GUSB: variants seen among roughly 807,000 people sequenced by gnomAD.
The protein encoded by GUSB is glucuronidase beta.
A neutral mutation model predicts 74.6 loss-of-function variants in GUSB; 51 were observed. The observed-to-expected ratio is 0.68, with a 90% CI of 0.55 to 0.86. The LOEUF (loss-of-function observed/expected upper bound fraction) is 0.86, where lower values mean the gene tolerates loss of function less well. Among genes scored for constraint, GUSB ranks in the 40% least tolerant of loss-of-function variants. The pLI is 0.00. For synonymous variants in GUSB, 360 were observed against 348.3 expected, an observed-to-expected ratio of 1.03 and a Z score of -0.37; for missense variants, 736 against 853.7, an observed-to-expected ratio of 0.86 and a Z score of 1.72.
intron 5 of GUSB, 30 bp downstream of exon 5, chr7:65,975,985 T>G: frequency 6.3e-7 from 1 of 1,596,744 alleles, no homozygotes; most frequent in Non-Finnish European, 8.6e-7. Context: ...GCAAAAGACC[T>G]CCCTTAGGCA....
chr7:65,979,242 C>T (rs925691010), intron 4 of GUSB, 157 bp downstream of exon 4: 1 of 825,968 alleles, frequency 1.2e-6, no homozygotes, highest in East Asian at 2.5e-5. Flanking sequence ...GAGCCCGTAT[C>T]CGCTCACACA....
At chr7:65,970,610 G>A (rs578116313) in intron 8 of GUSB, among the ~76,000 whole-genome samples, 28 of 152,072 alleles carry the variant, frequency 1.8e-4, no homozygotes, top group Non-Finnish European at 2.9e-4. Context: ...ACAAAAATTA[G>A]CGGCCAGGCG....
chr7:65,974,149 T>C (rs950428901), intron 8 of GUSB, 146 bp downstream of exon 8: 8 of 735,638 alleles, frequency 1.1e-5, no homozygotes, highest in African/African-American at 7.1e-5. Context: ...TGGGTAGATA[T>C]TTGGTCCCCT....
intron 11 of GUSB, among the ~76,000 whole-genome samples, chr7:65,962,870 CA>C (rs143099285): frequency 2.7e-4 from 38 of 143,326 alleles, no homozygotes; most frequent in Non-Finnish European, 2.3e-4. Flanking sequence ...AACTCCGTCT[CA>C]AAAAAAAAAA....
In GUSB at chr7:65,981,205, CT is replaced by C. The variant is rs374713676; in HGVS notation, c.210+768del. On this transcript the variant is annotated intron_variant, in intron 1 of 11. Transcript: ENST00000304895. Reference sequence around the variant, plus strand: ...CTGGGTAAATAGTGACACCCTGTATCTTTTTTTTTTTTTTAAGTTTTTTTGC... The same window carrying C: ...CTGGGTAAATAGTGACACCCTGTATCTTTTTTTTTTTTTAAGTTTTTTTGC... 3.3e-3 allele frequency among the ~76,000 whole-genome samples: 437 copies of C among 131,878 alleles called. 1 individual carries two copies. Among genetic ancestry groups the C allele is most frequent in the African/African-American group, 3.6e-3 (130 of 35,922 alleles). The allele number at this position is 131,878 out of a possible 152,430, so 86.5% of individuals were successfully genotyped here. A position where few individuals can be genotyped will look rare whatever the true frequency, so the allele number is the denominator to read the frequency against.
At chr7:65,979,260 T>A in intron 4 of GUSB, 139 bp downstream of exon 4, 1 of 939,510 alleles carries the variant, frequency 1.1e-6, no homozygotes, top group Non-Finnish European at 1.7e-6. Context: ...ACAGGCTGAA[T>A]TTTAGCTTCA....
chr7:65,969,923 T>C (rs1791083136), intron 9 of GUSB, among the ~76,000 whole-genome samples: 1 of 152,196 alleles, frequency 6.6e-6, no homozygotes, highest in Non-Finnish European at 1.5e-5. Context: ...CCCATCTCCC[T>C]ATGCCCAGCC....
rs373155959 is a variant in GUSB, at chr7:65,981,931, G to T, written c.210+43C>A. 101 of 1,542,140 alleles carry T rather than the reference G, an allele frequency of 6.5e-5. No homozygotes were observed. The East Asian group carries it at 1.7e-3, about 25-fold the overall frequency. ...GGGCCCGGGCTCCCCTACTCCCACC[G>T]CCGGGCTTTCGGGCGCCTCCCGGCC... On this transcript the variant is annotated intron_variant, in intron 1 of 11. Transcript: ENST00000304895.
chr7:65,981,126 G>A (rs927448435), intron 1 of GUSB, among the ~76,000 whole-genome samples: 6 of 152,210 alleles, frequency 3.9e-5, no homozygotes, highest in East Asian at 1.9e-4. Flanking sequence ...AGTAATCAGC[G>A]CTTTGGGAGG....
At chr7:65,966,440 C>T (rs1440169228) in intron 10 of GUSB, among the ~76,000 whole-genome samples, 2 of 151,878 alleles carry the variant, frequency 1.3e-5, no homozygotes, top group Non-Finnish European at 2.9e-5. Flanking sequence ...AAAAAAAAAC[C>T]TCACAAGACA....
chr7:65,976,177 G>C lies in GUSB; in HGVS notation c.750C>G (p.Val250=). Residue 250 remains valine, a synonymous_variant, in exon 5 of 12, where the codon GTC becomes GTG. Coordinates refer to ENST00000304895, the MANE Select transcript of GUSB (RefSeq NM_000181.4). ...CCAACTTGAACAGGTTACTGCCCTTGACAGAGATCTGGTAATTCACCAGCC... is the reference window on the plus strand; with the variant it reads ...CCAACTTGAACAGGTTACTGCCCTTCACAGAGATCTGGTAATTCACCAGCC... The part of the protein sequence containing the change: ...DSGLVNYQIS[V]KGSNLFKLEV... 3.1e-6 allele frequency: 5 copies of C among 1,613,140 alleles called. No individual in the cohort carries two copies. The highest frequency in any genetic ancestry group is 4.2e-6 in the Non-Finnish European group (5 of 1,179,654).
chr7:65,970,389 A>T, intron 8 of GUSB, 23 bp from the exon 9 acceptor site: 1 of 1,547,960 alleles, frequency 6.5e-7, no homozygotes, highest in Non-Finnish European at 8.9e-7. Context: ...GGCAGAAGAA[A>T]CAGGTTCCAT....
chr7:65,980,347 A>G lies in GUSB; in HGVS notation c.273T>C (p.Arg91=). 6.2e-7 allele frequency: 1 copy of G among 1,613,944 alleles called. No individual in the cohort carries two copies. The highest frequency in any genetic ancestry group is 8.5e-7 in the Non-Finnish European group (1 of 1,179,944). ...ACACCCAGCCGACAAAATGCCGCAG[A>G]CGCCAGTCCTGGCTGATGTCATTGA... ...SSFNDISQDW[R]LRHFVGWVWY... is the part of the protein sequence containing the mutation. The change falls in exon 2 of 12, where the codon CGT becomes CGC. Residue 91 remains arginine (R), a synonymous_variant. Transcript: ENST00000304895.
intron 1 of GUSB, chr7:65,980,624 G>C (rs2116046220): frequency 3.4e-6 from 2 of 592,704 alleles, no homozygotes; most frequent in South Asian, 3.8e-5. Flanking sequence ...AGAGTGGATG[G>C]GGCACAATAT....
intron 4 of GUSB, among the ~76,000 whole-genome samples, chr7:65,979,026 T>C (rs1364087289): frequency 6.6e-6 from 1 of 152,108 alleles, no homozygotes; most frequent in Non-Finnish European, 1.5e-5. Flanking sequence ...CAGGGCCTCC[T>C]TGCAAAGTGC....
chr7:65,982,209 C>T lies in GUSB; in HGVS notation c.-26G>A, dbSNP rs1199293101. On this transcript the variant is annotated 5_prime_UTR_variant, in exon 1 of 12. Transcript: ENST00000304895. ...GCTTCCCGGTCCCCCGCTCGGCCAC[C>T]GTCTGCGGCGCTAAGAAAAGCGCGG... 23 of 1,485,982 alleles carry T rather than the reference C, an allele frequency of 1.5e-5. No individual in the cohort carries two copies. Among genetic ancestry groups the T allele is most frequent in the Non-Finnish European group, 1.8e-5 (20 of 1,116,302 alleles). The allele number at this position is 1,485,982 out of a possible 1,614,324, so 92.0% of individuals were successfully genotyped here.
rs754908402 is a variant in GUSB, at chr7:65,960,876, C to T, written c.*21G>A. 7.5e-6 allele frequency: 12 copies of T among 1,609,338 alleles called. No individual in the cohort carries two copies. The South Asian group carries it at 9.9e-5, about 13-fold the overall frequency. ...GCCCTGACTCGGGGAGGAAGGGACA[C>T]GCAGGTGGTATCAGTCTTGCTCAAG... is the stretch of plus-strand genomic sequence containing the variant. On this transcript the variant is annotated 3_prime_UTR_variant, in exon 12 of 12. Coordinates refer to ENST00000304895, the MANE Select transcript of GUSB (RefSeq NM_000181.4).
rs1260794203 is a variant in GUSB at position 65,967,909 on chromosome 7, T to C, written c.1477-2A>G. 3.8e-6 allele frequency: 6 copies of C among 1,599,442 alleles called. No individual in the cohort carries two copies. The highest frequency in any genetic ancestry group is 1.3e-5 in the African/African-American group (1 of 74,860). On this transcript the variant is annotated splice_acceptor_variant, in intron 9 of 11. Coordinates refer to ENST00000304895, the MANE Select transcript of GUSB (RefSeq NM_000181.4). LOFTEE classifies it high-confidence loss of function. ...ACAGATCACATCCACATACGGAGCC[T>C]AGGACCAGAGCAGCAGAGCCCGTTC...
Position 65,968,154 on chromosome 7 carries a change from A to G in GUSB, c.1477-247T>C, listed in dbSNP as rs1379320732. The stretch of plus-strand genomic sequence containing the variant: ...ATGCCTGTAATCCCAGCACATTGGG[A>G]GGCCAAGATGGGAGGATCACTTGAT... On this transcript the variant is annotated intron_variant, in intron 9 of 11. Coordinates refer to ENST00000304895, the MANE Select transcript of GUSB (RefSeq NM_000181.4). 6.1e-5 allele frequency among the ~76,000 whole-genome samples: 9 copies of G among 148,384 alleles called. No individual in the cohort carries two copies. In the East Asian group the frequency reaches 1.8e-3, roughly 30 times the overall value.
Sources: gnomAD v4.1 joint callset for allele counts (sites outside exome capture counted in the v4.1 genomes callset) on GRCh38, gnomAD v4.1.1 for gene constraint, MANE v1.5 for transcripts, NCBI Gene and HGNC (gene_info 2026-07-23, HGNC 2026-07-21) for gene names.